COL17A1: variants seen among roughly 807,000 people sequenced by gnomAD.
The protein encoded by COL17A1 is collagen type XVII alpha 1 chain, also known as collagen alpha-1(XVII) chain.
Under a neutral mutation model 218.4 loss-of-function variants are expected in COL17A1, and 181 were observed. That is an observed-to-expected ratio of 0.83 (90% CI 0.73 to 0.94). The LOEUF (loss-of-function observed/expected upper bound fraction) is 0.94, where lower values mean the gene tolerates loss of function less well. Ranked by LOEUF, COL17A1 falls within the 40% of genes least tolerant of loss-of-function variation. The pLI is 0.00. For synonymous variants in COL17A1, 721 were observed against 731.0 expected (o/e 0.99, Z 0.22); for missense variants, 1,924 against 1,945.9 (o/e 0.99, Z 0.21).
At chr10:104,043,960 C>T (rs2086385886) in intron 33 of COL17A1, 100 bp from the exon 34 acceptor site, 1 of 1,293,634 alleles carries the variant, frequency 7.7e-7, no homozygotes, top group South Asian at 1.2e-5. Context: ...GGACCCACTT[C>T]TGGGCCTCTC....
intron 27 of COL17A1, 60 bp downstream of exon 27, chr10:104,050,561 T>C (rs544934669): frequency 6.2e-7 from 1 of 1,612,258 alleles, no homozygotes; most frequent in African/African-American, 1.3e-5. Flanking sequence ...GAGGGTCCCA[T>C]CTGGGCTCCC....
chr10:104,033,527 C>T, intron 52 of COL17A1, 152 bp from the exon 53 acceptor site: 1 of 943,378 alleles, frequency 1.1e-6, no homozygotes. Context: ...CCTTTGTATT[C>T]CACTGTGTGA....
At chr10:104,051,700 A>G (rs1282821387) in intron 24 of COL17A1, among the ~76,000 whole-genome samples, 184 bp from the exon 25 acceptor site, 2 of 152,164 alleles carry the variant, frequency 1.3e-5, no homozygotes, top group Non-Finnish European at 2.9e-5. Flanking sequence ...GCTGGGTGGG[A>G]TCAAACTACC....
At chr10:104,076,204 G>T in intron 5 of COL17A1, 97 bp downstream of exon 5, 1 of 1,589,352 alleles carries the variant, frequency 6.3e-7, no homozygotes, top group Admixed American at 1.7e-5. Flanking sequence ...GAAAGGTGAA[G>T]GGCAGACACA....
At chr10:104,057,234 T>A (rs1325958525) in intron 16 of COL17A1, 62 bp from the exon 17 acceptor site, 10 of 1,612,712 alleles carry the variant, frequency 6.2e-6, no homozygotes, top group Non-Finnish European at 8.5e-6. Context: ...CCCTCCAGAT[T>A]CTCTGACTTT....
intron 36 of COL17A1, among the ~76,000 whole-genome samples, chr10:104,042,198 A>G (rs2086366995): frequency 6.6e-6 from 1 of 152,170 alleles, no homozygotes; most frequent in Non-Finnish European, 1.5e-5. Flanking sequence ...CTTCAAGGCC[A>G]AGTCTGCCCC....
chr10:104,049,591 A>C, intron 28 of COL17A1, 120 bp from the exon 29 acceptor site: 2 of 1,045,164 alleles, frequency 1.9e-6, no homozygotes, highest in Non-Finnish European at 2.9e-6. Context: ...TTCCAAGGTC[A>C]GGGCCACTTG....
intron 16 of COL17A1, among the ~76,000 whole-genome samples, chr10:104,057,879 A>T (rs1355178463): frequency 6.6e-6 from 1 of 152,134 alleles, no homozygotes; most frequent in Non-Finnish European, 1.5e-5. Flanking sequence ...CAACCTAACT[A>T]ACAAGTGTTA....
At position 104,055,815 on chromosome 10, in the gene COL17A1, C is replaced by T. The variant is rs192048445; in HGVS notation, c.1654G>A (p.Val552Met). 1.2e-5 allele frequency: 20 copies of T among 1,614,062 alleles called. No homozygotes were observed. Among genetic ancestry groups the T allele is most frequent in the South Asian group, 6.6e-5 (6 of 91,088 alleles). ...TGTTCCATCATTAGCTTCTTCCTCACGAACATCCAGAGCTCCTCCTGGCTG... is the reference window on the plus strand; with the variant it reads ...TGTTCCATCATTAGCTTCTTCCTCATGAACATCCAGAGCTCCTCCTGGCTG... ...SDSQEELWMF[V>M]RKKLMMEQEN... The change falls in exon 18 of 56, where the codon GTG (valine) becomes ATG (methionine). Residue 552 changes from valine (V) to methionine (M), a missense_variant. Coordinates refer to ENST00000648076, the MANE Select transcript of COL17A1 (RefSeq NM_000494.4).
rs1243938517 is a variant in COL17A1 at position 104,031,530 on chromosome 10, A to G, written c.*705T>C. The G allele has an allele frequency of 6.6e-6, 1 of 152,178 alleles. No individual in the cohort carries two copies. The highest frequency in any genetic ancestry group is 1.5e-5 in the Non-Finnish European group (1 of 68,080). 9.4% of individuals were successfully genotyped at this position (152,178 alleles called of 1,614,324 possible). On this transcript the variant is annotated 3_prime_UTR_variant, in exon 56 of 56. Coordinates refer to ENST00000648076, the MANE Select transcript of COL17A1 (RefSeq NM_000494.4). The stretch of plus-strand genomic sequence containing the variant: ...ATTCCTTCCTTGTCCATTGCCCTCA[A>G]CCTTCTTTTTCTGTTTGCTCTGGCC...
Position 104,039,164 on chromosome 10 carries a change from G to A in COL17A1, c.2897-43C>T, listed in dbSNP as rs956812632. The A allele has an allele frequency of 2.5e-6, 4 of 1,598,894 alleles. No individual in the cohort carries two copies. The African/African-American group carries it at 5.4e-5, about 21-fold the overall frequency. ...AAGTTTGCCTCACCTCCTCCAGGAAGCCTTCCCTGGTTAAGCCAAACCACA... is the reference window on the plus strand; with the variant it reads ...AAGTTTGCCTCACCTCCTCCAGGAAACCTTCCCTGGTTAAGCCAAACCACA... On this transcript the variant is annotated intron_variant, in intron 43 of 55. Transcript: ENST00000648076.
Position 104,032,698 on chromosome 10 carries a change from G to A in COL17A1, c.4414C>T (p.His1472Tyr), listed in dbSNP as rs559470266. 1 of 1,614,134 alleles carries A rather than the reference G, an allele frequency of 6.2e-7. No homozygotes were observed. The highest frequency in any genetic ancestry group is 1.1e-5 in the South Asian group (1 of 91,074). The change falls in exon 55 of 56, where the codon CAC becomes TAC. Residue 1472 changes from histidine (H) to tyrosine (Y), a missense_variant. His to Tyr is a moderately conservative substitution (Grantham distance 83). Coordinates refer to ENST00000648076, the MANE Select transcript of COL17A1 (RefSeq NM_000494.4). The stretch of plus-strand genomic sequence containing the variant: ...CCTTTGTCTCCTTTTTCTCCCTTGT[G>A]TCCTCGAGGGCCAGGTGGCCCAGGA... ...GHPGPPGPRG[H>Y]KGEKGDKGDQ...
chr10:104,056,132 T>C, intron 17 of COL17A1, 129 bp from the exon 18 acceptor site: 1 of 1,127,824 alleles, frequency 8.9e-7, no homozygotes, highest in Non-Finnish European at 1.3e-6. Context: ...AGAATACTCA[T>C]GCAGAGATAA....
At chr10:104,068,377 G>A (rs1013359087) in intron 9 of COL17A1, among the ~76,000 whole-genome samples, 1 of 152,158 alleles carries the variant, frequency 6.6e-6, no homozygotes, top group Admixed American at 6.5e-5. Flanking sequence ...AATGGGATGA[G>A]ACTGTTTGTA....
intron 22 of COL17A1, 76 bp from the exon 23 acceptor site, chr10:104,053,211 G>A: frequency 6.5e-7 from 1 of 1,532,002 alleles, no homozygotes; most frequent in Non-Finnish European, 8.9e-7. Context: ...GCCTCCCACG[G>A]CAGACGCTTG....
intron 5 of COL17A1, among the ~76,000 whole-genome samples, 173 bp downstream of exon 5, chr10:104,076,128 A>G (rs988459098): frequency 2.0e-5 from 3 of 152,240 alleles, no homozygotes; most frequent in Non-Finnish European, 2.9e-5. Flanking sequence ...TAAATGAGGT[A>G]GTGAATGAAT....
chr10:104,032,725 G>T lies in COL17A1; in HGVS notation c.4387C>A (p.His1463Asn). The change falls in exon 55 of 56, where the codon CAT becomes AAT. Residue 1463 changes from histidine (H) to asparagine (N), a missense_variant. Physicochemically the swap from His to Asn is moderately conservative, Grantham distance 68. Transcript: ENST00000648076. ...GDRGPAGPPG[H>N]PGPPGPRGHK... ...CCTCGAGGGCCAGGTGGCCCAGGATGACCTGGTGGCCCAGCAGGGCCCCTG... is the reference window on the plus strand; with the variant it reads ...CCTCGAGGGCCAGGTGGCCCAGGATTACCTGGTGGCCCAGCAGGGCCCCTG... 2.5e-6 allele frequency: 4 copies of T among 1,614,154 alleles called. No individual in the cohort carries two copies. The South Asian group carries it at 4.4e-5, about 18-fold the overall frequency.
chr10:104,036,862 C>T (rs1016143864), intron 47 of COL17A1, among the ~76,000 whole-genome samples, 183 bp downstream of exon 47: 1 of 152,168 alleles, frequency 6.6e-6, no homozygotes, highest in East Asian at 1.9e-4. Flanking sequence ...TTTCCTGCCC[C>T]CTTTCCAGCC....
intron 48 of COL17A1, among the ~76,000 whole-genome samples, chr10:104,036,175 T>TATGGGA (rs2086295299): frequency 2.4e-5 from 1 of 41,154 alleles, no homozygotes; most frequent in Non-Finnish European, 5.2e-5. Context: ...TGGGTGTGTG[T>TATGGGA]GTATGGAAGT....
Sources: gnomAD v4.1 joint callset for allele counts (sites outside exome capture counted in the v4.1 genomes callset) on GRCh38, gnomAD v4.1.1 for gene constraint, MANE v1.5 for transcripts, NCBI Gene and HGNC (gene_info 2026-07-23, HGNC 2026-07-21) for gene names.